Variants in MSRA observed in about 807,000 individuals in gnomAD.
MSRA encodes the protein mitochondrial peptide methionine sulfoxide reductase.
MSRA carries 54 observed loss-of-function variants against 31.3 expected under a neutral mutation model. The ratio of observed to expected loss-of-function variants is 1.73; its 90% CI spans 1.39 to 2.17. MSRA has a LOEUF of 2.17. Ranked by LOEUF, MSRA falls within the 30% of genes most tolerant of loss-of-function variation. MSRA has a pLI of 0.00. For synonymous variants in MSRA, 169 were observed against 116.5 expected (o/e 1.45, Z -2.90); for missense variants, 507 against 300.9 (o/e 1.69, Z -5.07).
chr8:10,060,117 C>T (rs562607463), intron 1 of MSRA, among the ~76,000 whole-genome samples: 5 of 151,282 alleles, frequency 3.3e-5, no homozygotes, highest in African/African-American at 7.2e-5. Flanking sequence ...GGGAATTTAT[C>T]GTCTGGACAT....
At chr8:10,201,929 G>C (rs1408293069) in intron 1 of MSRA, among the ~76,000 whole-genome samples, 1 of 152,224 alleles carries the variant, frequency 6.6e-6, no homozygotes, top group African/African-American at 2.4e-5. Context: ...AGCAGAGAAG[G>C]GGCTGGGGCA....
In MSRA at chr8:10,054,610, AG is replaced by A; in HGVS notation, c.95del (p.Ser32ThrfsTer15). On this transcript the variant is annotated frameshift_variant, in exon 1 of 6. Transcript: ENST00000317173. LOFTEE classifies it high-confidence loss of function. ...GGGCAACTCGGCCTCGAACATCGTC[AG>A]CCCCCAGGAGGCCTTGCCGGGCCGG... ...RMGNSASNIVSPQEALPGRKE... is the reference protein window; with the variant it reads ...RMGNSASNIVXPQEALPGRKE... 6.3e-7 allele frequency: 1 copy of A among 1,578,586 alleles called. No homozygotes were observed. Among genetic ancestry groups the A allele is most frequent in the Non-Finnish European group, 8.6e-7 (1 of 1,163,000 alleles).
chr8:10,144,477 G>A (rs2129032782), intron 1 of MSRA, among the ~76,000 whole-genome samples: 1 of 152,316 alleles, frequency 6.6e-6, no homozygotes, highest in East Asian at 1.9e-4. Context: ...CACGCCATCA[G>A]TGTTGTATAG....
chr8:10,408,664 G>A (rs1807968489), intron 5 of MSRA, among the ~76,000 whole-genome samples: 1 of 152,188 alleles, frequency 6.6e-6, no homozygotes, highest in Non-Finnish European at 1.5e-5. Context: ...CGAAGTCTGA[G>A]CTTTTTTAGT....
intron 1 of MSRA, among the ~76,000 whole-genome samples, chr8:10,152,270 T>C (rs1803752357): frequency 6.6e-6 from 1 of 152,212 alleles, no homozygotes; most frequent in South Asian, 2.1e-4. Context: ...TGTATACGTA[T>C]GTATATATAA....
chr8:10,416,652 G>C (rs1808479018), intron 5 of MSRA, among the ~76,000 whole-genome samples: 1 of 152,222 alleles, frequency 6.6e-6, no homozygotes. Flanking sequence ...CAAAAGGAGG[G>C]TGAGGGAGTT....
chr8:10,323,470 G>T (rs903128007), intron 5 of MSRA, among the ~76,000 whole-genome samples: 3 of 152,168 alleles, frequency 2.0e-5, no homozygotes, highest in East Asian at 1.9e-4. Flanking sequence ...TTCAAGGCCA[G>T]TGCCTTCCGT....
intron 1 of MSRA, among the ~76,000 whole-genome samples, chr8:10,185,999 C>T (rs184216292): frequency 5.9e-4 from 90 of 152,222 alleles, no homozygotes; most frequent in Admixed American, 2.3e-3. Flanking sequence ...GCTGCACACT[C>T]AGTTCCTTTG....
At chr8:10,335,354 C>G (rs759409829) in intron 5 of MSRA, among the ~76,000 whole-genome samples, 1 of 141,596 alleles carries the variant, frequency 7.1e-6, no homozygotes, top group African/African-American at 2.7e-5. Flanking sequence ...CTAAGTTTAG[C>G]TGTCAGATTC....
intron 5 of MSRA, among the ~76,000 whole-genome samples, chr8:10,368,231 C>G (rs1356877088): frequency 6.6e-6 from 1 of 152,216 alleles, no homozygotes; most frequent in Non-Finnish European, 1.5e-5. Context: ...ATTTCTGAAG[C>G]TTAAAATACT....
intron 1 of MSRA, among the ~76,000 whole-genome samples, chr8:10,173,617 C>T (rs982857549): frequency 1.4e-4 from 21 of 152,186 alleles, no homozygotes; most frequent in African/African-American, 4.6e-4. Context: ...ACTCCTTGGG[C>T]CCCATGCCCA....
intron 1 of MSRA, among the ~76,000 whole-genome samples, chr8:10,198,994 CA>C (rs1334339013): frequency 6.6e-6 from 1 of 152,190 alleles, no homozygotes; most frequent in African/African-American, 2.4e-5. Context: ...TTGCACGAAT[CA>C]AAGCTAGTCT....
At chr8:10,186,312 G>A (rs1422804506) in intron 1 of MSRA, among the ~76,000 whole-genome samples, 4 of 152,166 alleles carry the variant, frequency 2.6e-5, no homozygotes, top group Admixed American at 6.5e-5. Flanking sequence ...AGGCCATACG[G>A]TTCCTGTCAC....
In MSRA at chr8:10,189,344, C is replaced by A. The variant is rs542186131; in HGVS notation, c.143-18489C>A. Among the ~76,000 whole-genome samples the A allele has an allele frequency of 4.6e-5, 7 of 151,766 alleles. No homozygotes were observed. In the South Asian group the frequency reaches 1.0e-3, roughly 23 times the overall value. Reference sequence around the variant, plus strand: ...TTTTGTACGATTTTTATTTCTTTTTCTTGCCTTTTTTGAACTGACTAGGAC... The same window carrying A: ...TTTTGTACGATTTTTATTTCTTTTTATTGCCTTTTTTGAACTGACTAGGAC... On this transcript the variant is annotated intron_variant, in intron 1 of 5. Coordinates refer to ENST00000317173, the MANE Select transcript of MSRA (RefSeq NM_012331.5).
chr8:10,418,084 T>C (rs1011525278), intron 5 of MSRA, among the ~76,000 whole-genome samples: 1 of 152,138 alleles, frequency 6.6e-6, no homozygotes. Context: ...AGATTTCTGT[T>C]CTAGGAAACT....
At chr8:10,249,397 A>G (rs1371610991) in intron 3 of MSRA, among the ~76,000 whole-genome samples, 1 of 152,216 alleles carries the variant, frequency 6.6e-6, no homozygotes, top group Non-Finnish European at 1.5e-5. Context: ...TCGGACCTCC[A>G]TGATCTTCCA....
At chr8:10,087,040 C>T (rs906437306) in intron 1 of MSRA, among the ~76,000 whole-genome samples, 1 of 152,084 alleles carries the variant, frequency 6.6e-6, no homozygotes, top group Non-Finnish European at 1.5e-5. Context: ...AGGGAGGCAA[C>T]ATGGAAGACA....
At chr8:10,103,122 T>G (rs946172371) in intron 1 of MSRA, among the ~76,000 whole-genome samples, 1 of 152,202 alleles carries the variant, frequency 6.6e-6, no homozygotes, top group Non-Finnish European at 1.5e-5. Flanking sequence ...AAAAATTATT[T>G]TTAAAAGGAG....
At chr8:10,207,936 T>C (rs769795150) in intron 2 of MSRA, 35 bp downstream of exon 2, 5 of 1,573,720 alleles carry the variant, frequency 3.2e-6, no homozygotes, top group Admixed American at 3.5e-5. Flanking sequence ...ACCCAAATTG[T>C]GTGCAAAGAC....
Sources: gnomAD v4.1 joint callset for allele counts (sites outside exome capture counted in the v4.1 genomes callset) on GRCh38, gnomAD v4.1.1 for gene constraint, MANE v1.5 for transcripts, NCBI Gene and HGNC (gene_info 2026-07-23, HGNC 2026-07-21) for gene names.